Variants in ARMC9 observed in about 807,000 individuals in gnomAD.
The protein encoded by ARMC9 is armadillo repeat containing 9, also known as lisH domain-containing protein ARMC9.
ARMC9 carries 94 observed loss-of-function variants against 107.0 expected under a neutral mutation model. That is an observed-to-expected ratio of 0.88 (90% CI 0.74 to 1.04). The LOEUF is 1.04. Among genes scored for constraint, ARMC9 ranks in the 50% least tolerant of loss-of-function variants. The pLI is 0.00. For synonymous variants in ARMC9, 380 were observed against 396.9 expected, an observed-to-expected ratio of 0.96 and a Z score of 0.51; for missense variants, 942 against 1,030.1, an observed-to-expected ratio of 0.91 and a Z score of 1.17.
At chr2:231,356,751 T>C (rs752445049) in intron 22 of ARMC9, among the ~76,000 whole-genome samples, 6 of 152,220 alleles carry the variant, frequency 3.9e-5, no homozygotes, top group Non-Finnish European at 7.3e-5. Flanking sequence ...TCAGTTATTT[T>C]ACATGTGCTT....
chr2:231,291,484 A>G (rs1037236772), intron 18 of ARMC9, 41 bp downstream of exon 18: 1 of 1,581,770 alleles, frequency 6.3e-7, no homozygotes, highest in African/African-American at 1.3e-5. Flanking sequence ...CTTTTGAATT[A>G]TTCACATTTG....
At chr2:231,356,068 C>T (rs1463163749) in intron 22 of ARMC9, 134 bp downstream of exon 22, 2 of 1,210,204 alleles carry the variant, frequency 1.7e-6, no homozygotes, top group Non-Finnish European at 2.2e-6. Flanking sequence ...CCCCGTGTCA[C>T]AGAGGCTCAC....
intron 19 of ARMC9, among the ~76,000 whole-genome samples, chr2:231,302,437 G>GTTTTTTTTTTTT (rs56032700): frequency 1.7e-5 from 1 of 58,072 alleles, no homozygotes; most frequent in Admixed American, 2.6e-4. Flanking sequence ...TTGTGGGTTT[G>GTTTTTTTTTTTT]TTTTTTTTTT....
In ARMC9 at chr2:231,358,620, G is replaced by A. The variant is rs1164929545; in HGVS notation, c.2132-2134G>A. 6.6e-6 allele frequency among the ~76,000 whole-genome samples: 1 copy of A among 152,152 alleles called. No individual in the cohort carries two copies. Among genetic ancestry groups the A allele is most frequent in the Non-Finnish European group, 1.5e-5 (1 of 68,034 alleles). On this transcript the variant is annotated intron_variant, in intron 22 of 24. Transcript: ENST00000611582. This position sits in a 1 kb window ranked among gnomAD's most constrained non-coding sequence, Gnocchi z 4.5. ...GTGCTGGGAACTAACGCCCCACCCA[G>A]AGACCCCGTGGAAACCCCCACCTTC...
chr2:231,225,352 T>TA (rs1238259862), intron 6 of ARMC9, among the ~76,000 whole-genome samples: 1 of 152,170 alleles, frequency 6.6e-6, no homozygotes, highest in Non-Finnish European at 1.5e-5. Context: ...CTATATACCC[T>TA]AGCTATATAC....
intron 19 of ARMC9, among the ~76,000 whole-genome samples, chr2:231,322,842 C>T (rs879824418): frequency 5.3e-5 from 8 of 152,160 alleles, no homozygotes; most frequent in Non-Finnish European, 8.8e-5. Context: ...TAAGACCCAC[C>T]CTAACGAGGC....
intron 9 of ARMC9, among the ~76,000 whole-genome samples, chr2:231,253,451 C>T (rs890079677): frequency 6.6e-6 from 1 of 151,778 alleles, no homozygotes; most frequent in Admixed American, 6.6e-5. Flanking sequence ...TGGCTGGGCG[C>T]GGTTTGGCTG....
At chr2:231,221,489 A>G (rs1026433840) in intron 5 of ARMC9, among the ~76,000 whole-genome samples, 8 of 152,116 alleles carry the variant, frequency 5.3e-5, no homozygotes, top group African/African-American at 1.9e-4. Context: ...CCTTATAAAC[A>G]AAGTTATCAT....
At chr2:231,280,030 G>A (rs987398846) in intron 16 of ARMC9, among the ~76,000 whole-genome samples, 1 of 152,146 alleles carries the variant, frequency 6.6e-6, no homozygotes, top group African/African-American at 2.4e-5. Context: ...GAAACCAGTG[G>A]GAAACATATT....
intron 19 of ARMC9, among the ~76,000 whole-genome samples, chr2:231,300,116 G>T (rs547231387): frequency 6.6e-6 from 1 of 152,284 alleles, no homozygotes; most frequent in East Asian, 1.9e-4. Context: ...TCCTTGTATG[G>T]CTTCCTTAAG....
In ARMC9 at chr2:231,355,777, GT is replaced by G. The variant is rs1559500683; in HGVS notation, c.1995-16del. On this transcript the variant is annotated intron_variant, in intron 21 of 24. Transcript: ENST00000611582. ...CTCCTGGCTGGCTGTACTCACTGCC[GT>G]TTTTCATGTTTTTCTCCAGGGTGGA... is the stretch of plus-strand genomic sequence containing the variant. The G allele has an allele frequency of 1.3e-6, 2 of 1,521,738 alleles. No individual in the cohort carries two copies. The highest frequency in any genetic ancestry group is 8.8e-7 in the Non-Finnish European group (1 of 1,135,950). The allele number at this position is 1,521,738 out of a possible 1,614,324, so 94.3% of individuals were successfully genotyped here.
intron 1 of ARMC9, among the ~76,000 whole-genome samples, chr2:231,204,314 C>T (rs2031615003): frequency 6.6e-6 from 1 of 152,122 alleles, no homozygotes; most frequent in African/African-American, 2.4e-5. Context: ...GGCCCCGGCC[C>T]CCCATTGCCT....
At chr2:231,208,274 A>G in intron 3 of ARMC9, 22 bp downstream of exon 3, 1 of 1,569,668 alleles carries the variant, frequency 6.4e-7, no homozygotes, top group East Asian at 2.2e-5. Flanking sequence ...CTTATTTTTC[A>G]TCCCTGTAGA....
chr2:231,264,081 G>A (rs1199294450), intron 12 of ARMC9, among the ~76,000 whole-genome samples: 4 of 152,106 alleles, frequency 2.6e-5, no homozygotes, highest in Non-Finnish European at 5.9e-5. Context: ...GGTGTGTTGG[G>A]TTTTGTCATC....
At chr2:231,305,193 C>T (rs910176584) in intron 19 of ARMC9, among the ~76,000 whole-genome samples, 21 of 152,238 alleles carry the variant, frequency 1.4e-4, no homozygotes, top group African/African-American at 5.1e-4. Context: ...CATCTATCAT[C>T]TATCATCATC....
chr2:231,351,558 A>C (rs2045082701), intron 21 of ARMC9, among the ~76,000 whole-genome samples: 1 of 152,116 alleles, frequency 6.6e-6, no homozygotes, highest in South Asian at 2.1e-4. Flanking sequence ...TACATTTAGT[A>C]TAGTTTTTTC....
chr2:231,323,727 A>G (rs1462335205), intron 19 of ARMC9, among the ~76,000 whole-genome samples: 1 of 152,202 alleles, frequency 6.6e-6, no homozygotes. Context: ...AAGTGATCCC[A>G]TTTACTAGCT....
chr2:231,335,353 A>G (rs2044014828), intron 20 of ARMC9, among the ~76,000 whole-genome samples: 1 of 152,178 alleles, frequency 6.6e-6, no homozygotes, highest in Admixed American at 6.5e-5. Context: ...AAAACCAACC[A>G]GCAGCTTGGG....
At chr2:231,275,311 G>A (rs941292114) in intron 14 of ARMC9, among the ~76,000 whole-genome samples, 5 of 152,120 alleles carry the variant, frequency 3.3e-5, no homozygotes, top group Non-Finnish European at 7.4e-5. Context: ...CATAACCTGC[G>A]CATCCGGAGA....
Sources: allele counts gnomAD v4.1 joint callset (sites outside exome capture counted in the v4.1 genomes callset), GRCh38; gene constraint gnomAD v4.1.1; non-coding constraint Gnocchi (gnomAD v3.1); transcripts MANE v1.5; gene names NCBI Gene and HGNC (gene_info 2026-07-23, HGNC 2026-07-21).